PARVB: variants seen among roughly 807,000 people sequenced by gnomAD.
PARVB encodes the protein beta-parvin.
Under a neutral mutation model 47.0 loss-of-function variants are expected in PARVB, and 46 were observed. The ratio of observed to expected loss-of-function variants is 0.98; its 90% CI spans 0.77 to 1.25. The LOEUF (loss-of-function observed/expected upper bound fraction) is 1.25, where lower values mean the gene tolerates loss of function less well. Among genes scored for constraint, PARVB ranks in the 50% most tolerant of loss-of-function variants. The probability of loss-of-function intolerance (pLI) is 0.00; values close to 1 mark genes in which losing one functional copy is unlikely to be tolerated. For synonymous variants in PARVB, 196 were observed against 196.3 expected, an observed-to-expected ratio of 1.00 and a Z score of 0.01; for missense variants, 473 against 471.6, an observed-to-expected ratio of 1.00 and a Z score of -0.03.
chr22:44,013,852 C>T (rs1359004293), intron 2 of PARVB, among the ~76,000 whole-genome samples: 4 of 152,136 alleles, frequency 2.6e-5, no homozygotes, highest in African/African-American at 9.7e-5. Flanking sequence ...AGGCTGCTCT[C>T]GAACTCCTGA....
chr22:44,164,020 TG>T (rs1234500344), intron 12 of PARVB, 90 bp downstream of exon 12: 3 of 966,120 alleles, frequency 3.1e-6, no homozygotes, highest in Admixed American at 4.3e-5. Flanking sequence ...GCTGGCATGT[TG>T]TTCCCCAGAT....
chr22:44,082,697 C>T (rs1239262820), intron 1 of PARVB, among the ~76,000 whole-genome samples: 1 of 152,154 alleles, frequency 6.6e-6, no homozygotes, highest in African/African-American at 2.4e-5. Flanking sequence ...GCCAACCTGA[C>T]ATTTTACCGT....
chr22:44,096,280 C>T (rs1434583223), intron 2 of PARVB, among the ~76,000 whole-genome samples: 3 of 152,072 alleles, frequency 2.0e-5, no homozygotes, highest in Non-Finnish European at 2.9e-5. Context: ...GCCTATAGTC[C>T]CAGCTACTCA....
At chr22:44,147,765 C>A (rs2053717221) in intron 8 of PARVB, 96 bp from the exon 9 acceptor site, 3 of 970,344 alleles carry the variant, frequency 3.1e-6, no homozygotes, top group Non-Finnish European at 5.1e-6. Flanking sequence ...TGAGGCTGAA[C>A]CTCCTGAGGG....
intron 1 of PARVB, among the ~76,000 whole-genome samples, chr22:44,060,974 G>A (rs911406525): frequency 1.3e-5 from 2 of 152,166 alleles, no homozygotes; most frequent in Admixed American, 1.3e-4. Context: ...TATTTAAAAT[G>A]TATTGTTGAT....
chr22:44,005,447 A>G (rs1212197757), intron 2 of PARVB, among the ~76,000 whole-genome samples: 3 of 149,520 alleles, frequency 2.0e-5, no homozygotes, highest in East Asian at 2.0e-4. Context: ...AAATAATAGC[A>G]TACTGTAGTT....
chr22:44,123,475 A>G (rs2053117172), intron 4 of PARVB, among the ~76,000 whole-genome samples: 2 of 152,276 alleles, frequency 1.3e-5, no homozygotes, highest in South Asian at 4.2e-4. Context: ...GTGTGGGGGT[A>G]CAATCATGGC....
At chr22:44,019,247 T>A (rs1232938775) in intron 2 of PARVB, among the ~76,000 whole-genome samples, 1 of 143,032 alleles carries the variant, frequency 7.0e-6, no homozygotes, top group Non-Finnish European at 1.5e-5. Flanking sequence ...TGAGATGGAG[T>A]CTTTCTCTGT....
At chr22:44,046,865 T>C (rs759433418) in intron 1 of PARVB, among the ~76,000 whole-genome samples, 1 of 152,114 alleles carries the variant, frequency 6.6e-6, no homozygotes, top group Non-Finnish European at 1.5e-5. Context: ...CTGAGGTCCT[T>C]ATCAGTGCCG....
At chr22:44,156,576 A>G (rs1235000321) in intron 10 of PARVB, among the ~76,000 whole-genome samples, 1 of 152,198 alleles carries the variant, frequency 6.6e-6, no homozygotes, top group Non-Finnish European at 1.5e-5. Flanking sequence ...TGCGCCTAGA[A>G]GTTTTTACTT....
At chr22:44,044,336 A>G (rs1012074298) in intron 1 of PARVB, among the ~76,000 whole-genome samples, 8 of 151,086 alleles carry the variant, frequency 5.3e-5, no homozygotes, top group African/African-American at 1.9e-4. Flanking sequence ...GACTACAGGC[A>G]CCCGCCACAG....
upstream of PARVB, among the ~76,000 whole-genome samples, chr22:44,021,749 AAGTCTAGACT>A (rs1343477681): frequency 1.5e-5 from 2 of 136,950 alleles, no homozygotes; most frequent in African/African-American, 5.5e-5. Flanking sequence ...TGTCCCTGTA[AAGTCTAGACT>A]CACACACACA....
At chr22:44,132,277 G>T (rs116356363) in intron 5 of PARVB, among the ~76,000 whole-genome samples, 3,297 of 152,312 alleles carry the variant, frequency 0.022, 109 homozygotes, top group African/African-American at 0.071. Flanking sequence ...TCGAGACCTT[G>T]GGCAGACCCA....
chr22:44,025,242 G>A (rs2050709893), intron 1 of PARVB, among the ~76,000 whole-genome samples: 2 of 152,082 alleles, frequency 1.3e-5, no homozygotes, highest in Non-Finnish European at 2.9e-5. Context: ...GGGTCCCCGG[G>A]AAGGAGCCCT....
In PARVB at chr22:44,169,204, A is replaced by G. The variant is rs139412394; in HGVS notation, c.*526A>G. 6.6e-6 allele frequency: 1 copy of G among 151,198 alleles called. No individual in the cohort carries two copies. Among genetic ancestry groups the G allele is most frequent in the Non-Finnish European group, 1.5e-5 (1 of 68,826 alleles). The allele number at this position is 151,198 out of a possible 1,614,324, so 9.4% of individuals were successfully genotyped here. On this transcript the variant is annotated 3_prime_UTR_variant, in exon 13 of 13. Transcript: ENST00000338758. ...GAAGTGAGGCCTTTTATTAAAAATA[A>G]AAGGGTTTTGCAGTTTGAAAAACTT...
At chr22:44,051,809 GC>G (rs2051213763) in intron 1 of PARVB, among the ~76,000 whole-genome samples, 1 of 152,186 alleles carries the variant, frequency 6.6e-6, no homozygotes, top group African/African-American at 2.4e-5. Context: ...TTAAGACGAG[GC>G]CTGTCTGAAG....
Position 44,093,732 on chromosome 22 carries a change from G to T in PARVB, c.113-196G>T, listed in dbSNP as rs570889794. 2.6e-5 allele frequency among the ~76,000 whole-genome samples: 4 copies of T among 152,308 alleles called. No homozygotes were observed. In the East Asian group the frequency reaches 7.7e-4, roughly 29 times the overall value. On this transcript the variant is annotated intron_variant, in intron 1 of 12. Coordinates refer to ENST00000338758, the MANE Select transcript of PARVB (RefSeq NM_013327.5). ...GCGAGACCTGGGAAATATTTGGGGT[G>T]GGGAGGAACTGCAGAATGTATTCTT... is the stretch of plus-strand genomic sequence containing the variant.
At chr22:44,100,222 C>T (rs929222611) in intron 3 of PARVB, 99 bp downstream of exon 3, 33 of 903,928 alleles carry the variant, frequency 3.7e-5, no homozygotes, top group Non-Finnish European at 5.9e-5. Flanking sequence ...ACCCGGGGCT[C>T]CTGAAAGGGA....
chr22:44,092,853 G>C (rs2052205686), intron 1 of PARVB, among the ~76,000 whole-genome samples: 1 of 152,222 alleles, frequency 6.6e-6, no homozygotes. Flanking sequence ...TGTGGAGGCT[G>C]GATGTCCAGA....
Sources: allele counts gnomAD v4.1 joint callset (sites outside exome capture counted in the v4.1 genomes callset), GRCh38; gene constraint gnomAD v4.1.1; transcripts MANE v1.5; gene names NCBI Gene and HGNC (gene_info 2026-07-23, HGNC 2026-07-21).